Variants in COG5 observed in about 807,000 individuals in gnomAD.
COG5 encodes component of oligomeric golgi complex 5, also known as conserved oligomeric Golgi complex subunit 5.
A neutral mutation model predicts 110.4 loss-of-function variants in COG5; 86 were observed. The observed-to-expected ratio is 0.78, with a 90% CI of 0.65 to 0.93. The LOEUF is 0.93. COG5 is among the 40% of genes least tolerant of loss of function. The pLI is 0.00. For synonymous variants in COG5, 360 were observed against 334.6 expected, an observed-to-expected ratio of 1.08 and a Z score of -0.83; for missense variants, 1,077 against 987.0, an observed-to-expected ratio of 1.09 and a Z score of -1.22.
intron 6 of COG5, among the ~76,000 whole-genome samples, chr7:107,522,090 G>A (rs753601757): frequency 6.6e-6 from 1 of 152,120 alleles, no homozygotes; most frequent in Non-Finnish European, 1.5e-5. Context: ...TGGACACAGG[G>A]AGGGGAACAA....
At chr7:107,205,721 T>C (rs535724639) in intron 21 of COG5, among the ~76,000 whole-genome samples, 3 of 152,320 alleles carry the variant, frequency 2.0e-5, no homozygotes, top group South Asian at 4.1e-4. Flanking sequence ...TCGGCTTCAA[T>C]GCTCCCTTTT....
At chr7:107,330,825 T>C (rs991820873) in intron 10 of COG5, among the ~76,000 whole-genome samples, 3 of 105,676 alleles carry the variant, frequency 2.8e-5, no homozygotes, top group African/African-American at 5.6e-5. Context: ...CTAGATCCCT[T>C]TTTTTTTTTT....
At chr7:107,554,499 G>T (rs1396102894) in intron 2 of COG5, among the ~76,000 whole-genome samples, 157 bp from the exon 3 acceptor site, 1 of 152,212 alleles carries the variant, frequency 6.6e-6, no homozygotes, top group Non-Finnish European at 1.5e-5. Flanking sequence ...GAGATGAGTT[G>T]TAAGCGGGAA....
intron 11 of COG5, among the ~76,000 whole-genome samples, chr7:107,314,626 G>A (rs1808571588): frequency 6.7e-6 from 1 of 149,984 alleles, no homozygotes; most frequent in African/African-American, 2.5e-5. Context: ...GGGCGTGCCT[G>A]TAATCCCAGC....
intron 14 of COG5, among the ~76,000 whole-genome samples, chr7:107,272,133 T>C (rs1386538214): frequency 2.0e-5 from 3 of 152,136 alleles, no homozygotes; most frequent in East Asian, 1.9e-4. Context: ...AAAATAAATG[T>C]TGGGGCCCCC....
At chr7:107,217,093 C>T (rs893171530) in intron 19 of COG5, among the ~76,000 whole-genome samples, 1 of 152,062 alleles carries the variant, frequency 6.6e-6, no homozygotes, top group African/African-American at 2.4e-5. Context: ...TATGACAAAT[C>T]ATATGGCCAC....
At chr7:107,496,995 A>G (rs1798318158) in intron 6 of COG5, among the ~76,000 whole-genome samples, 1 of 152,098 alleles carries the variant, frequency 6.6e-6, no homozygotes, top group South Asian at 2.1e-4. Flanking sequence ...GAATCACTTG[A>G]GCCCAGGAGT....
At chr7:107,398,073 G>A (rs1221450117) in intron 7 of COG5, among the ~76,000 whole-genome samples, 1 of 152,128 alleles carries the variant, frequency 6.6e-6, no homozygotes, top group African/African-American at 2.4e-5. Context: ...GTAACCTTAG[G>A]TAGGCAAAAA....
intron 14 of COG5, among the ~76,000 whole-genome samples, chr7:107,276,766 G>T (rs1354884273): frequency 2.0e-5 from 3 of 152,050 alleles, no homozygotes; most frequent in African/African-American, 4.8e-5. Context: ...TAAATAATTT[G>T]TTCAGTTTAA....
chr7:107,229,333 C>T (rs6975065), intron 19 of COG5, among the ~76,000 whole-genome samples: 2,960 of 152,170 alleles, frequency 0.019, 102 homozygotes, highest in African/African-American at 0.066. Flanking sequence ...CCTGTAATCC[C>T]AGCTACTCAG....
At chr7:107,277,282 A>T (rs979300115) in intron 14 of COG5, among the ~76,000 whole-genome samples, 1 of 152,196 alleles carries the variant, frequency 6.6e-6, no homozygotes, top group African/African-American at 2.4e-5. Flanking sequence ...AAAGTATTAA[A>T]GGTTGGTGCA....
rs770046536 is a variant in COG5, at chr7:107,527,251, C to T, written c.524G>A (p.Ser175Asn). The change falls in exon 6 of 22, where the codon AGT becomes AAT. Residue 175 changes from serine (S) to asparagine (N), a missense_variant. Physicochemically the swap from Ser to Asn is conservative, Grantham distance 46. Coordinates refer to ENST00000297135, the MANE Select transcript of COG5 (RefSeq NM_006348.5). Reference sequence around the variant, plus strand: ...AAAAAACTTACCAAGTTCATTGAGACTCTGAGCAGCTTTTGTTATCTCTCT... The same window carrying T: ...AAAAAACTTACCAAGTTCATTGAGATTCTGAGCAGCTTTTGTTATCTCTCT... Reference protein sequence around the residue: ...GSREITKAAQSLNELDYLSQG... With the variant: ...GSREITKAAQNLNELDYLSQG... 1.6e-4 allele frequency: 262 copies of T among 1,592,448 alleles called. No individual in the cohort carries two copies. Among genetic ancestry groups the T allele is most frequent in the Non-Finnish European group, 2.0e-4 (238 of 1,167,310 alleles).
At chr7:107,265,757 A>G (rs1214283573) in intron 14 of COG5, among the ~76,000 whole-genome samples, 1 of 152,130 alleles carries the variant, frequency 6.6e-6, no homozygotes, top group Admixed American at 6.5e-5. Flanking sequence ...CCTTCAGGCT[A>G]AATATAGTTT....
intron 8 of COG5, among the ~76,000 whole-genome samples, chr7:107,364,776 T>C (rs950361961): frequency 5.3e-5 from 8 of 152,172 alleles, no homozygotes; most frequent in Non-Finnish European, 1.0e-4. Context: ...AGCAAACAGA[T>C]GCAGTTATTT....
chr7:107,424,839 ATAATTCT>A (rs745748270), intron 6 of COG5, among the ~76,000 whole-genome samples: 2 of 152,178 alleles, frequency 1.3e-5, no homozygotes, highest in Non-Finnish European at 2.9e-5. Flanking sequence ...ACTTGATCAC[ATAATTCT>A]TAATTATGGA....
At chr7:107,399,398 G>A (rs531846344) in intron 7 of COG5, among the ~76,000 whole-genome samples, 2 of 146,686 alleles carry the variant, frequency 1.4e-5, no homozygotes, top group Non-Finnish European at 3.0e-5. Context: ...CTGGTGGGAG[G>A]TGATTGGATC....
At chr7:107,226,967 G>C (rs1195783826) in intron 19 of COG5, among the ~76,000 whole-genome samples, 2 of 152,150 alleles carry the variant, frequency 1.3e-5, no homozygotes, top group African/African-American at 4.8e-5. Flanking sequence ...ATTCTTATGT[G>C]CCTGAGGCCT....
intron 15 of COG5, 43 bp downstream of exon 15, chr7:107,258,230 A>G: frequency 8.4e-7 from 1 of 1,194,416 alleles, no homozygotes; most frequent in Non-Finnish European, 1.2e-6. Context: ...TGAGGCAAGA[A>G]GAATTTAAAA....
chr7:107,231,914 AACAT>A (rs1800802175), intron 18 of COG5, among the ~76,000 whole-genome samples: 1 of 152,214 alleles, frequency 6.6e-6, no homozygotes, highest in Non-Finnish European at 1.5e-5. Context: ...TCCACATATA[AACAT>A]ATATAAACAC....
Sources: allele counts gnomAD v4.1 joint callset (sites outside exome capture counted in the v4.1 genomes callset), GRCh38; gene constraint gnomAD v4.1.1; transcripts MANE v1.5; gene names NCBI Gene and HGNC (gene_info 2026-07-23, HGNC 2026-07-21).